SAMMSON: variants seen among roughly 807,000 people sequenced by gnomAD.
SAMMSON encodes survival associated mitochondrial melanoma specific oncogenic non-coding RNA.
chr3:70,248,826 G>A (rs1288964161), intron 4 of SAMMSON, among the ~76,000 whole-genome samples: 1 of 152,100 alleles, frequency 6.6e-6, no homozygotes, highest in Non-Finnish European at 1.5e-5. Flanking sequence ...TGTGTGATAT[G>A]TTTGCCAGTG....
chr3:70,128,539 G>A (rs574137215), intron 4 of SAMMSON, among the ~76,000 whole-genome samples: 26 of 152,174 alleles, frequency 1.7e-4, no homozygotes, highest in African/African-American at 6.0e-4. Context: ...ATTGAAATAC[G>A]GACTCTCATG....
intron 9 of SAMMSON, among the ~76,000 whole-genome samples, chr3:70,380,412 T>A (rs1305221983): frequency 2.6e-5 from 4 of 152,148 alleles, no homozygotes; most frequent in Admixed American, 6.5e-5. Flanking sequence ...ACTCATTTTT[T>A]AAAAATAAAA....
intron 7 of SAMMSON, among the ~76,000 whole-genome samples, chr3:70,308,995 T>C (rs893706117): frequency 1.3e-5 from 2 of 152,198 alleles, no homozygotes; most frequent in Non-Finnish European, 2.9e-5. Flanking sequence ...GTCACTGTCA[T>C]GTGAGATGTA....
chr3:70,317,103 C>A (rs1056807273), intron 7 of SAMMSON, among the ~76,000 whole-genome samples: 1 of 151,898 alleles, frequency 6.6e-6, no homozygotes, highest in Non-Finnish European at 1.5e-5. Context: ...AGGTTTATAA[C>A]TATATAATTT....
chr3:70,238,005 T>G (rs1394381701), intron 4 of SAMMSON, among the ~76,000 whole-genome samples: 1 of 135,012 alleles, frequency 7.4e-6, no homozygotes, highest in Non-Finnish European at 1.6e-5. Context: ...TTTTTTTTTT[T>G]GCCTGTCCAG....
chr3:70,176,287 A>C (rs980659346), intron 4 of SAMMSON, among the ~76,000 whole-genome samples: 2 of 152,186 alleles, frequency 1.3e-5, no homozygotes, highest in African/African-American at 4.8e-5. Context: ...CTGATTGCTC[A>C]GGCGAAACCC....
chr3:70,133,738 T>C (rs111590479), intron 4 of SAMMSON, among the ~76,000 whole-genome samples: 3,862 of 152,246 alleles, frequency 0.025, 85 homozygotes, highest in Non-Finnish European at 0.039. Context: ...AGTTGGTGTC[T>C]GTCAAAGAAT....
chr3:70,412,177 T>C (rs1010723535), intron 2 of SAMMSON, among the ~76,000 whole-genome samples: 7 of 152,172 alleles, frequency 4.6e-5, no homozygotes, highest in African/African-American at 1.7e-4. Context: ...AAAAACATAT[T>C]AACCATTATG....
chr3:70,112,637 AT>A (rs1319060848), intron 4 of SAMMSON, among the ~76,000 whole-genome samples: 2 of 152,142 alleles, frequency 1.3e-5, no homozygotes. Context: ...TACATCTAGA[AT>A]TTTTCTTTAC....
intron 4 of SAMMSON, among the ~76,000 whole-genome samples, chr3:70,129,656 T>C (rs1048578578): frequency 1.3e-5 from 2 of 150,628 alleles, no homozygotes; most frequent in African/African-American, 5.0e-5. Context: ...GATTATAGTC[T>C]ATAGATATGA....
chr3:70,402,138 A>G (rs1396563341), intron 2 of SAMMSON, among the ~76,000 whole-genome samples: 1 of 152,216 alleles, frequency 6.6e-6, no homozygotes, highest in Non-Finnish European at 1.5e-5. Flanking sequence ...ATTGACATAG[A>G]AAGCCTTCTA....
intron 2 of SAMMSON, among the ~76,000 whole-genome samples, chr3:70,423,078 A>G (rs1261561969): frequency 6.6e-6 from 1 of 152,096 alleles, no homozygotes; most frequent in East Asian, 1.9e-4. Flanking sequence ...AATTATATAC[A>G]TAATGTTTAC....
chr3:70,147,021 T>A (rs369203496), intron 4 of SAMMSON, among the ~76,000 whole-genome samples: 2 of 151,952 alleles, frequency 1.3e-5, no homozygotes, highest in Non-Finnish European at 2.9e-5. Context: ...TTCTAGACAA[T>A]ATCATTGAAA....
At chr3:70,096,490 G>T (rs948156212) in intron 4 of SAMMSON, among the ~76,000 whole-genome samples, 1 of 152,186 alleles carries the variant, frequency 6.6e-6, no homozygotes, top group African/African-American at 2.4e-5. Flanking sequence ...GCTGCAGTGA[G>T]CTATGATTGC....
At chr3:70,376,248 T>G (rs1703013711) in intron 9 of SAMMSON, among the ~76,000 whole-genome samples, 1 of 152,230 alleles carries the variant, frequency 6.6e-6, no homozygotes, top group South Asian at 2.1e-4. Context: ...ACGGAAAATT[T>G]CCTTTGAGTT....
intron 4 of SAMMSON, among the ~76,000 whole-genome samples, chr3:70,168,622 G>A (rs1174360987): frequency 6.6e-6 from 1 of 151,930 alleles, no homozygotes; most frequent in Admixed American, 6.6e-5. Flanking sequence ...AATGCTGTTA[G>A]GCATAGAATT....
At chr3:70,158,287 A>G (rs540865121) in intron 4 of SAMMSON, among the ~76,000 whole-genome samples, 1 of 152,234 alleles carries the variant, frequency 6.6e-6, no homozygotes, top group South Asian at 2.1e-4. Context: ...GGAATTTTAT[A>G]TAAACGGAAT....
intron 7 of SAMMSON, among the ~76,000 whole-genome samples, chr3:70,301,308 G>C (rs1178360478): frequency 6.6e-6 from 1 of 152,084 alleles, no homozygotes; most frequent in Non-Finnish European, 1.5e-5. Flanking sequence ...AATTGGGTAT[G>C]TTCATATGGT....
At chr3:70,245,484 A>G (rs1471543796) in intron 4 of SAMMSON, among the ~76,000 whole-genome samples, 1 of 151,614 alleles carries the variant, frequency 6.6e-6, no homozygotes, top group Non-Finnish European at 1.5e-5. Flanking sequence ...TGGCCTCTTT[A>G]AATGACTTTG....
Sources: allele counts gnomAD v4.1 joint callset (sites outside exome capture counted in the v4.1 genomes callset), GRCh38; gene constraint gnomAD v4.1.1; transcripts MANE v1.5; gene names NCBI Gene and HGNC (gene_info 2026-07-23, HGNC 2026-07-21).